Variants in CCDC93 observed in about 807,000 individuals in gnomAD.
The protein encoded by CCDC93 is CCC complex scaffolding subunit CCDC93, also known as coiled-coil domain-containing protein 93.
A neutral mutation model predicts 108.2 loss-of-function variants in CCDC93; 61 were observed. The ratio of observed to expected loss-of-function variants is 0.56; its 90% CI spans 0.46 to 0.70. CCDC93 has a LOEUF of 0.70. Among genes scored for constraint, CCDC93 ranks in the 30% least tolerant of loss-of-function variants. The pLI, the probability that CCDC93 is intolerant of heterozygous loss-of-function variation, is 0.00. For synonymous variants in CCDC93, 276 were observed against 260.4 expected (o/e 1.06, Z -0.58); for missense variants, 685 against 764.2 (o/e 0.90, Z 1.22).
At chr2:117,969,311 T>A (rs1035993801) in intron 11 of CCDC93, among the ~76,000 whole-genome samples, 11 of 152,142 alleles carry the variant, frequency 7.2e-5, no homozygotes, top group African/African-American at 2.7e-4. Flanking sequence ...AGTGAGCAGG[T>A]TGCAAGGAAC....
At chr2:117,983,256 T>C (rs542070766) in intron 7 of CCDC93, among the ~76,000 whole-genome samples, 17 of 152,278 alleles carry the variant, frequency 1.1e-4, no homozygotes, top group Admixed American at 6.5e-5. Flanking sequence ...ACCCCTCCAA[T>C]TGGCGTATTT....
chr2:117,954,683 T>C (rs1679162363), intron 12 of CCDC93, among the ~76,000 whole-genome samples: 1 of 152,196 alleles, frequency 6.6e-6, no homozygotes, highest in African/African-American at 2.4e-5. Flanking sequence ...ATTCTATTCC[T>C]TTGCATATTC....
intron 12 of CCDC93, among the ~76,000 whole-genome samples, chr2:117,953,940 T>C (rs1679140034): frequency 6.6e-6 from 1 of 152,076 alleles, no homozygotes; most frequent in Admixed American, 6.6e-5. Context: ...CTTGCCTCCT[T>C]CCACCATGTG....
At position 117,952,287 on chromosome 2, in the gene CCDC93, G is replaced by A. The variant is rs538255658; in HGVS notation, c.1068+86C>T. 1.4e-5 allele frequency: 13 copies of A among 905,162 alleles called. No homozygotes were observed. The East Asian group carries it at 1.7e-4, about 12-fold the overall frequency. The allele number at this position is 905,162 out of a possible 1,614,324, so 56.1% of individuals were successfully genotyped here. ...GGATCGTGTCTCCCACACACAGACC[G>A]ATGAAACACATCATTCCATTAGTGG... On this transcript the variant is annotated intron_variant, in intron 13 of 23. Coordinates refer to ENST00000376300, the MANE Select transcript of CCDC93 (RefSeq NM_019044.5).
chr2:117,921,518 G>A (rs1301640199), intron 23 of CCDC93: 1 of 152,254 alleles, frequency 6.6e-6, no homozygotes, highest in East Asian at 1.9e-4. Flanking sequence ...TAGCAGAAAG[G>A]GCCCGGAGAG....
At position 117,931,067 on chromosome 2, in the gene CCDC93, T is replaced by C. The variant is rs1678310275; in HGVS notation, c.1812A>G (p.Leu604=). Residue 604 remains leucine (L), a synonymous_variant, in exon 23 of 24, where the codon CTA becomes CTG. Coordinates refer to ENST00000376300, the MANE Select transcript of CCDC93 (RefSeq NM_019044.5). ...TGAACTCTTTCACAGTCTTAAAGTA[T>C]AGCCTCTGCTTTTCTAACAGCTCCA... ...QYLELLEKQR[L]YFKTVKEFKE... The C allele has an allele frequency of 2.5e-6, 4 of 1,613,280 alleles. No homozygotes were observed. The highest frequency in any genetic ancestry group is 1.1e-5 in the South Asian group (1 of 91,050).
chr2:117,936,299 C>A (rs529246535), intron 21 of CCDC93, among the ~76,000 whole-genome samples: 10 of 151,702 alleles, frequency 6.6e-5, no homozygotes, highest in Middle Eastern at 3.4e-3. Flanking sequence ...TTTTAGAGAA[C>A]AATGTACACA....
intron 23 of CCDC93, among the ~76,000 whole-genome samples, chr2:117,926,239 G>C (rs565485623): frequency 2.3e-4 from 35 of 152,272 alleles, no homozygotes; most frequent in African/African-American, 8.4e-4. Flanking sequence ...ACATTCAAAA[G>C]CTAGCAGAAG....
chr2:118,013,264 C>G (rs1437002770), intron 1 of CCDC93, among the ~76,000 whole-genome samples: 1 of 152,254 alleles, frequency 6.6e-6, no homozygotes, highest in Non-Finnish European at 1.5e-5. Flanking sequence ...GAAAAGAACC[C>G]CGCCCTCTTC....
At chr2:117,949,485 T>G (rs1276858557) in intron 13 of CCDC93, 90 bp from the exon 14 acceptor site, 12 of 942,282 alleles carry the variant, frequency 1.3e-5, no homozygotes, top group Admixed American at 9.0e-5. Flanking sequence ...ATAATGACAC[T>G]TTTTAAAGAA....
chr2:117,994,852 T>C (rs1680595162), intron 6 of CCDC93, among the ~76,000 whole-genome samples: 2 of 152,240 alleles, frequency 1.3e-5, no homozygotes, highest in Admixed American at 1.3e-4. Flanking sequence ...CTAGGCTTCA[T>C]TCCCTTCAGC....
chr2:117,982,934 G>A (rs1318963565), intron 7 of CCDC93, among the ~76,000 whole-genome samples: 2 of 152,198 alleles, frequency 1.3e-5, no homozygotes. Flanking sequence ...GGTAATAAGT[G>A]AAGGAGTCCA....
chr2:117,984,481 A>G (rs933460262), intron 7 of CCDC93, among the ~76,000 whole-genome samples: 1 of 152,204 alleles, frequency 6.6e-6, no homozygotes, highest in African/African-American at 2.4e-5. Flanking sequence ...AGATGGTGAT[A>G]CTAGCTACTA....
In CCDC93 at chr2:117,941,193, G is replaced by C. The variant is rs1678688548; in HGVS notation, c.1518C>G (p.Arg506=). The part of the protein sequence containing the change: ...QYQKRFIELY[R]QISAVHKETK... ...GTCTGTGGTCAATGCACCTACTCTG[G>C]CGGTAGAGTTCAATAAATCTCTTCT... Residue 506 remains arginine (R), a synonymous_variant, in exon 19 of 24, where the codon CGC becomes CGG. Coordinates refer to ENST00000376300, the MANE Select transcript of CCDC93 (RefSeq NM_019044.5). 1.9e-6 allele frequency: 3 copies of C among 1,607,720 alleles called. No homozygotes were observed. In the South Asian group the frequency reaches 3.3e-5, roughly 18 times the overall value.
chr2:117,951,962 A>ATCTT, intron 13 of CCDC93, among the ~76,000 whole-genome samples: 1 of 152,252 alleles, frequency 6.6e-6, no homozygotes, highest in East Asian at 1.9e-4. Context: ...AGGTTCTCTC[A>ATCTT]TCTTTCAAAA....
intron 11 of CCDC93, among the ~76,000 whole-genome samples, chr2:117,966,983 A>G (rs1679602261): frequency 6.6e-6 from 1 of 152,150 alleles, no homozygotes; most frequent in Admixed American, 6.5e-5. Flanking sequence ...TCGGGCTAGG[A>G]TATTACCTCC....
At chr2:117,981,012 G>GAAGCAT (rs1189505928) in intron 7 of CCDC93, among the ~76,000 whole-genome samples, 3 of 152,182 alleles carry the variant, frequency 2.0e-5, no homozygotes, top group Non-Finnish European at 4.4e-5. Context: ...CATCCAGGTT[G>GAAGCAT]AAGCATGAAT....
At chr2:117,935,617 G>A (rs1229044699) in intron 21 of CCDC93, 38 bp from the exon 22 acceptor site, 1 of 1,436,092 alleles carries the variant, frequency 7.0e-7, no homozygotes, top group Admixed American at 1.7e-5. Context: ...CCGGCACACA[G>A]GACTCTGAGG....
At chr2:117,949,445 G>T in intron 13 of CCDC93, 50 bp from the exon 14 acceptor site, 1 of 1,311,704 alleles carries the variant, frequency 7.6e-7, no homozygotes, top group South Asian at 1.2e-5. Context: ...TAGCAGAGGT[G>T]AACAACTTCA....
Sources: gnomAD v4.1 joint callset for allele counts (sites outside exome capture counted in the v4.1 genomes callset) on GRCh38, gnomAD v4.1.1 for gene constraint, MANE v1.5 for transcripts, NCBI Gene and HGNC (gene_info 2026-07-23, HGNC 2026-07-21) for gene names.